Variants in SLC44A1 observed in about 807,000 individuals in gnomAD.
SLC44A1 encodes the protein solute carrier family 44 member 1.
SLC44A1 carries 26 observed loss-of-function variants against 79.3 expected under a neutral mutation model. The ratio of observed to expected loss-of-function variants is 0.33; its 90% CI spans 0.24 to 0.46. SLC44A1 has a LOEUF of 0.46. Ranked by LOEUF, SLC44A1 falls within the 20% of genes least tolerant of loss-of-function variation. SLC44A1 has a pLI of 1.00. For synonymous variants in SLC44A1, 263 were observed against 286.2 expected (o/e 0.92, Z 0.82); for missense variants, 688 against 798.1 (o/e 0.86, Z 1.66).
rs1181029719 is a variant in SLC44A1, at chr9:105,391,933, C to G, written c.*2877C>G. 7.1e-6 allele frequency: 7 copies of G among 985,020 alleles called. No individual in the cohort carries two copies. Among genetic ancestry groups the G allele is most frequent in the Non-Finnish European group, 8.4e-6 (7 of 829,758 alleles). The allele number at this position is 985,020 out of a possible 1,614,324, so 61.0% of individuals were successfully genotyped here. On this transcript the variant is annotated 3_prime_UTR_variant, in exon 16 of 16. Transcript: ENST00000374720. ...CTCTATTGTCAATTGTAGTAGTGAC[C>G]AGAGTATCGTGGTTTTTGCCATCAG...
At chr9:105,363,122 C>A in intron 9 of SLC44A1, 115 bp downstream of exon 9, 1 of 806,600 alleles carries the variant, frequency 1.2e-6, no homozygotes, top group Non-Finnish European at 2.0e-6. Flanking sequence ...CAATAGCCAT[C>A]AGAACTTGTA....
chr9:105,309,794 G>A lies in SLC44A1; in HGVS notation c.197G>A (p.Gly66Glu), dbSNP rs777690008. 1 of 1,613,656 alleles carries A rather than the reference G, an allele frequency of 6.2e-7. No homozygotes were observed. The highest frequency in any genetic ancestry group is 8.5e-7 in the Non-Finnish European group (1 of 1,179,618). The change falls in exon 3 of 16, where the codon GGA (glycine) becomes GAA (glutamate). Residue 66 changes from glycine to glutamate, a missense_variant. Coordinates refer to ENST00000374720, the MANE Select transcript of SLC44A1 (RefSeq NM_080546.5). ...CTAGTGTCAGGATACGACAGCTATG[G>A]AAATATCTGTGGGCAGAAAAATACA... The part of the protein sequence containing the change: ...ARLVSGYDSY[G>E]NICGQKNTKL...
In SLC44A1 at chr9:105,395,585, G is replaced by T; in HGVS notation, c.*6529G>T. ...GACCACTGGTGGAAATTCCCATGTT[G>T]GATAGAAAAGGGCGTAAGTCCAGTC... On this transcript the variant is annotated 3_prime_UTR_variant, in exon 16 of 16. Transcript: ENST00000374720. The T allele has an allele frequency of 1.0e-5, 10 of 985,364 alleles. No homozygotes were observed. The highest frequency in any genetic ancestry group is 1.2e-5 in the Non-Finnish European group (10 of 829,930). 61.0% of individuals were successfully genotyped at this position (985,364 alleles called of 1,614,324 possible).
Position 105,395,035 on chromosome 9 carries a change from C to T in SLC44A1, c.*5979C>T. On this transcript the variant is annotated 3_prime_UTR_variant, in exon 16 of 16. Transcript: ENST00000374720. Reference sequence around the variant, plus strand: ...CTTGAAAAAGCAGGCAGAAACTCATCAAGGGGTTTGAAGTTCTTGTGAAAT... The same window carrying T: ...CTTGAAAAAGCAGGCAGAAACTCATTAAGGGGTTTGAAGTTCTTGTGAAAT... 1.0e-6 allele frequency: 1 copy of T among 985,474 alleles called. No individual in the cohort carries two copies. The highest frequency in any genetic ancestry group is 1.2e-6 in the Non-Finnish European group (1 of 829,974). The allele number at this position is 985,474 out of a possible 1,614,324, so 61.0% of individuals were successfully genotyped here. A position where few individuals can be genotyped will look rare whatever the true frequency, so the allele number is the denominator to read the frequency against.
intron 15 of SLC44A1, among the ~76,000 whole-genome samples, chr9:105,423,207 AG>A (rs892450628): frequency 2.6e-5 from 4 of 152,106 alleles, no homozygotes; most frequent in Admixed American, 2.6e-4. Context: ...TTGGGAGGCC[AG>A]GGTGGGCGGA....
At chr9:105,343,888 C>T (rs1026291334) in intron 4 of SLC44A1, among the ~76,000 whole-genome samples, 4 of 152,270 alleles carry the variant, frequency 2.6e-5, no homozygotes, top group Admixed American at 2.0e-4. Context: ...ATTATGTGTG[C>T]CTAGTGTGTG....
chr9:105,289,445 C>G (rs1490005223), intron 1 of SLC44A1, among the ~76,000 whole-genome samples: 1 of 152,120 alleles, frequency 6.6e-6, no homozygotes, highest in African/African-American at 2.4e-5. Flanking sequence ...CACTTACCAT[C>G]AAAAAGGTCA....
rs1181874497 is a variant in SLC44A1, at chr9:105,392,156, G to T, written c.*3100G>T. 2 of 985,132 alleles carry T rather than the reference G, an allele frequency of 2.0e-6. No homozygotes were observed. Among genetic ancestry groups the T allele is most frequent in the African/African-American group, 3.5e-5 (2 of 57,236 alleles). 61.0% of individuals were successfully genotyped at this position (985,132 alleles called of 1,614,324 possible). A position where few individuals can be genotyped will look rare whatever the true frequency, so the allele number is the denominator to read the frequency against. On this transcript the variant is annotated 3_prime_UTR_variant, in exon 16 of 16. Transcript: ENST00000374720. ...ACTGAGATTGTATAATCCTTGCATG[G>T]ATGAGCAGAGCTCAAAGCCAGTTGT... is the stretch of plus-strand genomic sequence containing the variant.
rs1828522677 is a variant in SLC44A1 at position 105,383,137 on chromosome 9, C to T, written c.1647C>T (p.Cys549=). Residue 549 remains cysteine (C), a synonymous_variant, in exon 14 of 16, where the codon TGC becomes TGT. Transcript: ENST00000374720. Reference sequence around the variant, plus strand: ...CTCTGCTTCAGGTGCTGATAGTCTGCAGCACAGGTTTAGCTGGGATTATGC... The same window carrying T: ...CTCTGCTTCAGGTGCTGATAGTCTGTAGCACAGGTTTAGCTGGGATTATGC... ...MLFLGKVLIV[C]STGLAGIMLL... 3 of 1,612,560 alleles carry T rather than the reference C, an allele frequency of 1.9e-6. No individual in the cohort carries two copies. The highest frequency in any genetic ancestry group is 2.5e-6 in the Non-Finnish European group (3 of 1,178,724).
downstream of SLC44A1, among the ~76,000 whole-genome samples, chr9:105,400,733 G>GT (rs1405340880): frequency 2.0e-5 from 3 of 151,980 alleles, no homozygotes; most frequent in Non-Finnish European, 4.4e-5. Flanking sequence ...AGGTTCCCAG[G>GT]TTTTTTATAG....
intron 6 of SLC44A1, among the ~76,000 whole-genome samples, chr9:105,357,606 C>T (rs1423214069): frequency 6.6e-6 from 1 of 152,096 alleles, no homozygotes; most frequent in Non-Finnish European, 1.5e-5. Context: ...TTAAATCTTT[C>T]CTTTCTTCTT....
At chr9:105,252,684 G>A (rs947086956) in intron 1 of SLC44A1, among the ~76,000 whole-genome samples, 8 of 152,228 alleles carry the variant, frequency 5.3e-5, no homozygotes, top group South Asian at 2.1e-4. Flanking sequence ...TATGGCAAGC[G>A]TTGTAAAGAA....
Position 105,362,823 on chromosome 9 carries a change from G to T in SLC44A1, c.903G>T (p.Val301=). 6.3e-7 allele frequency: 1 copy of T among 1,590,352 alleles called. No individual in the cohort carries two copies. Among genetic ancestry groups the T allele is most frequent in the Middle Eastern group, 1.7e-4 (1 of 5,972 alleles). ...CTGAAACCATTCTCTCCATACAGGT[G>T]ATCTTATTCCTGATAATGTTGGTTA... ...IYAISATVFT[V]ILFLIMLVMR... The change falls in exon 9 of 16, where the codon GTG becomes GTT. Residue 301 remains valine (V), a splice_region_variant and synonymous_variant. Coordinates refer to ENST00000374720, the MANE Select transcript of SLC44A1 (RefSeq NM_080546.5).
chr9:105,275,940 G>A (rs1311697353), intron 1 of SLC44A1, among the ~76,000 whole-genome samples: 1 of 152,092 alleles, frequency 6.6e-6, no homozygotes, highest in South Asian at 2.1e-4. Context: ...TAGTAGCGGG[G>A]ATTACAGGTG....
At chr9:105,420,861 C>CAA (rs34053627) in intron 15 of SLC44A1, among the ~76,000 whole-genome samples, 135 of 12,454 alleles carry the variant, frequency 0.011, 13 homozygotes, top group Non-Finnish European at 0.021. Context: ...AACTCCATCT[C>CAA]AAAAAAAAAA....
At chr9:105,422,448 C>T (rs969766829) in intron 15 of SLC44A1, among the ~76,000 whole-genome samples, 2 of 151,972 alleles carry the variant, frequency 1.3e-5, no homozygotes, top group Non-Finnish European at 2.9e-5. Context: ...GCCACCACAC[C>T]TAGCTAATTT....
chr9:105,249,156 A>T (rs1030285191), intron 1 of SLC44A1, among the ~76,000 whole-genome samples: 5 of 152,228 alleles, frequency 3.3e-5, no homozygotes, highest in Non-Finnish European at 7.3e-5. Context: ...TGTAGCACTC[A>T]TATTCTGTTT....
chr9:105,361,129 A>G, intron 7 of SLC44A1, 62 bp from the exon 8 acceptor site: 2 of 1,531,708 alleles, frequency 1.3e-6, no homozygotes, highest in Non-Finnish European at 1.8e-6. Context: ...AAAATTGAGA[A>G]TTTATGTTAC....
At chr9:105,424,052 A>G (rs1423146623) in intron 15 of SLC44A1, among the ~76,000 whole-genome samples, 1 of 152,238 alleles carries the variant, frequency 6.6e-6, no homozygotes, top group African/African-American at 2.4e-5. Flanking sequence ...CATAAAACAC[A>G]TATGTACAGT....
Sources: gnomAD v4.1 joint callset for allele counts (sites outside exome capture counted in the v4.1 genomes callset) on GRCh38, gnomAD v4.1.1 for gene constraint, MANE v1.5 for transcripts, NCBI Gene and HGNC (gene_info 2026-07-23, HGNC 2026-07-21) for gene names.